The following CCDC93 variants were observed in gnomAD, a reference collection of about 807,000 sequenced individuals.
CCDC93 encodes the protein coiled-coil domain-containing protein 93.
CCDC93 carries 61 observed loss-of-function variants against 108.2 expected under a neutral mutation model. The observed-to-expected ratio is 0.56, with a 90% CI of 0.46 to 0.70. The LOEUF (loss-of-function observed/expected upper bound fraction) is 0.70. CCDC93 is among the 30% of genes least tolerant of loss of function. The pLI, the probability that CCDC93 is intolerant of heterozygous loss-of-function variation, is 0.00. For missense variants in CCDC93, 685 were observed against 764.2 expected (o/e 0.90, Z 1.22); for synonymous variants, 276 against 260.4 (o/e 1.06, Z -0.58).
intron 23 of CCDC93, among the ~76,000 whole-genome samples, chr2:117,929,487 C>G (rs1328574589): frequency 2.0e-5 from 3 of 152,206 alleles, no homozygotes; most frequent in Non-Finnish European, 2.9e-5. Flanking sequence ...TCATCCTAAG[C>G]TCTCATCTGA....
chr2:117,985,206 C>A (rs541027696), intron 7 of CCDC93, among the ~76,000 whole-genome samples: 1 of 151,470 alleles, frequency 6.6e-6, no homozygotes, highest in African/African-American at 2.4e-5. Context: ...AATAATTAAA[C>A]CTAATTTCCT....
rs778918390 is a variant in CCDC93, at chr2:117,941,240, G to A, written c.1471C>T (p.Arg491Cys). 25 of 1,613,864 alleles carry A rather than the reference G, an allele frequency of 1.5e-5. No individual in the cohort carries two copies. Among genetic ancestry groups the A allele is most frequent in the South Asian group, 9.9e-5 (9 of 91,068 alleles). Residue 491 changes from arginine (R) to cysteine (C), a missense_variant, in exon 19 of 24, where the codon CGT (arginine) becomes TGT (cysteine). Arg to Cys is a radical substitution (Grantham distance 180, BLOSUM62 -3). Coordinates refer to ENST00000376300, the MANE Select transcript of CCDC93 (RefSeq NM_019044.5). Reference protein sequence around the residue: ...LHRKIDEVPSRAELIQYQKRF... With the variant: ...LHRKIDEVPSCAELIQYQKRF... ...TTCTGATACTGTATTAGCTCGGCACGGCTAGGGACTTCATCAATCTTGCGG... is the reference window on the plus strand; with the variant it reads ...TTCTGATACTGTATTAGCTCGGCACAGCTAGGGACTTCATCAATCTTGCGG...
At chr2:117,944,651 C>T (rs928677852) in intron 17 of CCDC93, 11 of 459,152 alleles carry the variant, frequency 2.4e-5, no homozygotes, top group Non-Finnish European at 4.6e-5. Flanking sequence ...TTTGTCGCCT[C>T]AGAGAAAGTT....
chr2:117,921,341 C>T (rs931342485), intron 23 of CCDC93, among the ~76,000 whole-genome samples: 3 of 152,008 alleles, frequency 2.0e-5, no homozygotes, highest in Non-Finnish European at 4.4e-5. Flanking sequence ...TTTCATGTTC[C>T]CTCTGGGATC....
chr2:117,990,671 C>T lies in CCDC93; in HGVS notation c.520-4602G>A, dbSNP rs1243887958. ...AACAGAGATACAAACTATAGTTGAACTAGTTCCACACAATTAATAATCTAC... is the reference window on the plus strand; with the variant it reads ...AACAGAGATACAAACTATAGTTGAATTAGTTCCACACAATTAATAATCTAC... On this transcript the variant is annotated intron_variant, in intron 6 of 23. Coordinates refer to ENST00000376300, the MANE Select transcript of CCDC93 (RefSeq NM_019044.5). Among the ~76,000 whole-genome samples, 4 of 151,052 alleles carry T rather than the reference C, an allele frequency of 2.6e-5. No homozygotes were observed. In the East Asian group the frequency reaches 5.8e-4, roughly 22 times the overall value.
chr2:117,950,334 T>C lies in CCDC93; in HGVS notation c.1069-939A>G, dbSNP rs956351031. 1.9e-5 allele frequency: 19 copies of C among 985,274 alleles called. No homozygotes were observed. In the African/African-American group the frequency reaches 3.3e-4, roughly 17 times the overall value. The allele number at this position is 985,274 out of a possible 1,614,324, so 61.0% of individuals were successfully genotyped here. A position where few individuals can be genotyped will look rare whatever the true frequency, so the allele number is the denominator to read the frequency against. ...AGCAAGCAAAACTAGATACAATTAA[T>C]GTACTTAGACATAAAAGAATACTGC... On this transcript the variant is annotated intron_variant, in intron 13 of 23. Coordinates refer to ENST00000376300, the MANE Select transcript of CCDC93 (RefSeq NM_019044.5).
At chr2:117,925,678 C>T (rs1396655910) in intron 23 of CCDC93, among the ~76,000 whole-genome samples, 3 of 152,136 alleles carry the variant, frequency 2.0e-5, no homozygotes, top group Non-Finnish European at 4.4e-5. Context: ...TAATGGGAGA[C>T]TTTAACACCC....
chr2:117,924,973 A>C, intron 23 of CCDC93, among the ~76,000 whole-genome samples: 1 of 152,226 alleles, frequency 6.6e-6, no homozygotes, highest in South Asian at 2.1e-4. Context: ...GCCAATATTC[A>C]ACATTCCTAA....
intron 11 of CCDC93, among the ~76,000 whole-genome samples, chr2:117,964,533 A>T (rs1679493776): frequency 6.6e-6 from 1 of 152,142 alleles, no homozygotes; most frequent in African/African-American, 2.4e-5. Flanking sequence ...ACAGTGCTTG[A>T]GGGAAGTGCT....
chr2:118,001,102 T>A, intron 3 of CCDC93, 170 bp from the exon 4 acceptor site: 2 of 568,482 alleles, frequency 3.5e-6, no homozygotes, highest in Non-Finnish European at 6.3e-6. Flanking sequence ...ATAAGCACAA[T>A]TTGGTGGTGT....
At chr2:117,926,580 A>C (rs1463381097) in intron 23 of CCDC93, among the ~76,000 whole-genome samples, 1 of 152,228 alleles carries the variant, frequency 6.6e-6, no homozygotes, top group Non-Finnish European at 1.5e-5. Context: ...AAGAAGTTGA[A>C]TTTCTGAATA....
chr2:118,007,169 A>C (rs1181649010), intron 2 of CCDC93, among the ~76,000 whole-genome samples: 1 of 152,232 alleles, frequency 6.6e-6, no homozygotes, highest in Non-Finnish European at 1.5e-5. Flanking sequence ...TTTATAGTCA[A>C]AAGGACAGAC....
chr2:117,951,678 T>C, intron 13 of CCDC93: 3 of 1,000,206 alleles, frequency 3.0e-6, no homozygotes, highest in Non-Finnish European at 3.6e-6. Flanking sequence ...AGACAGCTTT[T>C]CAAGTCTGGA....
intron 1 of CCDC93, chr2:118,012,452 C>T (rs1677045572): frequency 6.6e-6 from 1 of 152,172 alleles, no homozygotes; most frequent in South Asian, 2.1e-4. Context: ...CATACAGCAG[C>T]AGGTTGCTCT....
chr2:117,983,840 G>A (rs1680234143), intron 7 of CCDC93, among the ~76,000 whole-genome samples: 2 of 152,064 alleles, frequency 1.3e-5, no homozygotes, highest in Non-Finnish European at 2.9e-5. Context: ...GATTTGCTCT[G>A]TCAGTTTTAA....
chr2:117,926,827 T>G (rs964671501), intron 23 of CCDC93, among the ~76,000 whole-genome samples: 2 of 151,990 alleles, frequency 1.3e-5, no homozygotes, highest in African/African-American at 4.8e-5. Flanking sequence ...AAAAGAGAAT[T>G]TTAGACCAAT....
intron 11 of CCDC93, among the ~76,000 whole-genome samples, chr2:117,963,687 A>T (rs763592435): frequency 6.6e-5 from 10 of 152,204 alleles, no homozygotes; most frequent in Non-Finnish European, 1.0e-4. Flanking sequence ...AACATTTAGG[A>T]GGTGTGAACA....
chr2:118,004,251 G>A (rs1430629391), intron 3 of CCDC93, among the ~76,000 whole-genome samples: 2 of 152,186 alleles, frequency 1.3e-5, no homozygotes, highest in Non-Finnish European at 2.9e-5. Flanking sequence ...GAACACAGAT[G>A]CCCAATAAAA....
intron 6 of CCDC93, among the ~76,000 whole-genome samples, chr2:117,987,366 G>T (rs955011348): frequency 3.9e-5 from 6 of 152,088 alleles, no homozygotes; most frequent in Non-Finnish European, 8.8e-5. Context: ...ACACTACCTT[G>T]CCCCAGGCTG....
Sources: allele counts gnomAD v4.1 joint callset (sites outside exome capture counted in the v4.1 genomes callset), GRCh38; gene constraint gnomAD v4.1.1; transcripts MANE v1.5; gene names NCBI Gene and HGNC (gene_info 2026-07-23, HGNC 2026-07-21).